Variants in CPEB3 observed in about 807,000 individuals in gnomAD.
CPEB3 encodes the protein cytoplasmic polyadenylation element binding protein 3, also known as cytoplasmic polyadenylation element-binding protein 3.
CPEB3 carries 20 observed loss-of-function variants against 67.2 expected under a neutral mutation model. The observed-to-expected ratio is 0.30, with a 90% CI of 0.21 to 0.43. CPEB3 has a LOEUF of 0.43. CPEB3 is among the 20% of genes least tolerant of loss of function. The pLI is 1.00. For synonymous variants in CPEB3, 376 were observed against 393.1 expected (o/e 0.96, Z 0.51); for missense variants, 746 against 968.6 (o/e 0.77, Z 3.05).
At chr10:92,168,794 T>A in intron 4 of CPEB3, among the ~76,000 whole-genome samples, 1 of 148,360 alleles carries the variant, frequency 6.7e-6, no homozygotes. Context: ...TCTTGCCCTT[T>A]TTTTTTTTTT....
Position 92,049,048 on chromosome 10 carries a change from A to C in CPEB3, c.*3164T>G, listed in dbSNP as rs1852196684. The C allele has an allele frequency of 6.6e-6, 1 of 152,624 alleles. No individual in the cohort carries two copies. Among genetic ancestry groups the C allele is most frequent in the Non-Finnish European group, 1.5e-5 (1 of 68,030 alleles). 9.5% of individuals were successfully genotyped at this position (152,624 alleles called of 1,614,324 possible). On this transcript the variant is annotated 3_prime_UTR_variant, in exon 10 of 10. Coordinates refer to ENST00000265997, the MANE Select transcript of CPEB3 (RefSeq NM_014912.5). ...TTCTTAGCAAAAAATCTTTCTAAAAATAACAATGAAAATTTGTCTCAGTAC... is the reference window on the plus strand; with the variant it reads ...TTCTTAGCAAAAAATCTTTCTAAAACTAACAATGAAAATTTGTCTCAGTAC...
intron 4 of CPEB3, among the ~76,000 whole-genome samples, chr10:92,150,047 C>T (rs543399828): frequency 6.6e-6 from 1 of 152,100 alleles, no homozygotes; most frequent in Non-Finnish European, 1.5e-5. Flanking sequence ...ACATGACTGC[C>T]TGAAGTGCTG....
At chr10:92,234,881 C>T (rs1483554712) in intron 2 of CPEB3, among the ~76,000 whole-genome samples, 4 of 152,056 alleles carry the variant, frequency 2.6e-5, no homozygotes, top group Admixed American at 6.5e-5. Flanking sequence ...GCCGAGATCA[C>T]GCCACTGCAT....
rs1842221659 is a variant in CPEB3 at position 92,280,399 on chromosome 10, T to A, written c.-12+10527A>T. ...AGAGAGAGAAAGAAAAAAAACTAGATCCCTAAGGGGTCCAGGGATTTCAGG... is the reference window on the plus strand; with the variant it reads ...AGAGAGAGAAAGAAAAAAAACTAGAACCCTAAGGGGTCCAGGGATTTCAGG... On this transcript the variant is annotated intron_variant, in intron 1 of 9. Coordinates refer to ENST00000265997, the MANE Select transcript of CPEB3 (RefSeq NM_014912.5). Among the ~76,000 whole-genome samples the A allele has an allele frequency of 1.0e-4, 12 of 118,642 alleles. No homozygotes were observed. In the South Asian group the frequency reaches 3.7e-3, roughly 36 times the overall value. 77.8% of individuals were successfully genotyped at this position (118,642 alleles called of 152,430 possible). A position where few individuals can be genotyped will look rare whatever the true frequency, so the allele number is the denominator to read the frequency against.
intron 2 of CPEB3, among the ~76,000 whole-genome samples, chr10:92,220,117 T>G (rs1850620582): frequency 6.6e-6 from 1 of 151,898 alleles, no homozygotes; most frequent in Non-Finnish European, 1.5e-5. Context: ...ATTGGGCCAC[T>G]GCACTCCAGA....
chr10:92,227,887 G>C (rs952692507), intron 2 of CPEB3, among the ~76,000 whole-genome samples: 2 of 145,842 alleles, frequency 1.4e-5, no homozygotes, highest in African/African-American at 5.1e-5. Context: ...CACCGCGCCC[G>C]GCCTATTTTT....
chr10:92,154,361 G>A (rs1029617837), intron 4 of CPEB3, among the ~76,000 whole-genome samples: 7 of 116,418 alleles, frequency 6.0e-5, no homozygotes, highest in Non-Finnish European at 1.2e-4. Flanking sequence ...TAAACTATAT[G>A]TAATTGATAT....
intron 6 of CPEB3, among the ~76,000 whole-genome samples, chr10:92,132,841 T>C (rs1420723112): frequency 6.6e-6 from 1 of 151,984 alleles, no homozygotes; most frequent in Non-Finnish European, 1.5e-5. Flanking sequence ...TGCAATCAAA[T>C]TAGAACTCAG....
At chr10:92,056,072 G>A (rs1842099511) in intron 9 of CPEB3, among the ~76,000 whole-genome samples, 1 of 152,174 alleles carries the variant, frequency 6.6e-6, no homozygotes, top group African/African-American at 2.4e-5. Flanking sequence ...CTTTTGGATT[G>A]TGACTGTGCT....
chr10:92,085,009 T>C (rs1374325219), intron 8 of CPEB3, among the ~76,000 whole-genome samples: 1 of 152,190 alleles, frequency 6.6e-6, no homozygotes, highest in Non-Finnish European at 1.5e-5. Flanking sequence ...GCATACTTTA[T>C]TAAGCATACT....
Position 92,240,012 on chromosome 10 carries a change from C to T in CPEB3, c.339G>A (p.Thr113=), listed in dbSNP as rs1297866915. 1.9e-6 allele frequency: 3 copies of T among 1,609,412 alleles called. No individual in the cohort carries two copies. Among genetic ancestry groups the T allele is most frequent in the Admixed American group, 3.4e-5 (2 of 59,252 alleles). The change falls in exon 2 of 10, where the codon ACG becomes ACA. Residue 113 remains threonine, a synonymous_variant. Coordinates refer to ENST00000265997, the MANE Select transcript of CPEB3 (RefSeq NM_014912.5). ...TGTCCTCTACCGCGTTGGTGGTGCC[C>T]GTGGACCAGGTGCTGCCGAAGGACG... is the stretch of plus-strand genomic sequence containing the variant. The part of the protein sequence containing the change: ...LSPSFGSTWS[T]GTTNAVEDSF...
At chr10:92,232,757 C>CA (rs370945253) in intron 2 of CPEB3, among the ~76,000 whole-genome samples, 20,794 of 121,894 alleles carry the variant, frequency 0.17, 1,913 homozygotes, top group African/African-American at 0.31. Flanking sequence ...AACTCCATCT[C>CA]AAAAAAAAAA....
At chr10:92,160,481 A>C (rs1215204464) in intron 4 of CPEB3, among the ~76,000 whole-genome samples, 1 of 152,164 alleles carries the variant, frequency 6.6e-6, no homozygotes, top group Non-Finnish European at 1.5e-5. Flanking sequence ...AAAAAGATGA[A>C]ATAAATTTTG....
intron 7 of CPEB3, among the ~76,000 whole-genome samples, chr10:92,101,049 C>G (rs1844163503): frequency 6.6e-6 from 1 of 152,158 alleles, no homozygotes; most frequent in Non-Finnish European, 1.5e-5. Flanking sequence ...TGTATGGTCC[C>G]TTCTTTAGGT....
In CPEB3 at chr10:92,193,197, G is replaced by A. The variant is rs1302185974; in HGVS notation, c.1006-561C>T. Reference sequence around the variant, plus strand: ...ACTGCATTCCAGCCTGGATGACAGAGCAAGACTCCATCTCAAAAAAAAAAG... The same window carrying A: ...ACTGCATTCCAGCCTGGATGACAGAACAAGACTCCATCTCAAAAAAAAAAG... On this transcript the variant is annotated intron_variant, in intron 2 of 9. Coordinates refer to ENST00000265997, the MANE Select transcript of CPEB3 (RefSeq NM_014912.5). Among the ~76,000 whole-genome samples the A allele has an allele frequency of 1.3e-5, 2 of 151,776 alleles. 1 individual carries two copies. Among genetic ancestry groups the A allele is most frequent in the African/African-American group, 4.8e-5 (2 of 41,300 alleles).
intron 1 of CPEB3, among the ~76,000 whole-genome samples, chr10:92,257,728 C>CA (rs1852581768): frequency 1.5e-5 from 2 of 130,752 alleles, no homozygotes; most frequent in African/African-American, 2.9e-5. Context: ...GACCTCAACT[C>CA]TTTTTTTTTT....
chr10:92,256,719 C>A (rs1253062297), intron 1 of CPEB3, among the ~76,000 whole-genome samples: 2 of 152,192 alleles, frequency 1.3e-5, no homozygotes, highest in Non-Finnish European at 2.9e-5. Flanking sequence ...TCTTCCCAGC[C>A]ATGCCAACCT....
intron 4 of CPEB3, among the ~76,000 whole-genome samples, chr10:92,171,115 C>T (rs1847979821): frequency 6.6e-6 from 1 of 152,162 alleles, no homozygotes; most frequent in African/African-American, 2.4e-5. Flanking sequence ...AACAAGGCTC[C>T]TCTCATGTGG....
intron 7 of CPEB3, 131 bp from the exon 8 acceptor site, chr10:92,092,075 T>C: frequency 1.5e-6 from 1 of 666,754 alleles, no homozygotes. Context: ...TCCAGTTAAT[T>C]AGTTAACGTA....
Sources: gnomAD v4.1 joint callset for allele counts (sites outside exome capture counted in the v4.1 genomes callset) on GRCh38, gnomAD v4.1.1 for gene constraint, MANE v1.5 for transcripts, NCBI Gene and HGNC (gene_info 2026-07-23, HGNC 2026-07-21) for gene names.